Variants in CDH3 observed in about 807,000 individuals in gnomAD.
CDH3 encodes the protein cadherin 3.
CDH3 carries 54 observed loss-of-function variants against 82.0 expected under a neutral mutation model. The observed-to-expected ratio is 0.66, with a 90% confidence interval of 0.53 to 0.83. The LOEUF (loss-of-function observed/expected upper bound fraction) is 0.83. Ranked by LOEUF, CDH3 falls within the 40% of genes least tolerant of loss-of-function variation. The pLI, the probability that CDH3 is intolerant of heterozygous loss-of-function variation, is 0.00. For synonymous variants in CDH3, 446 were observed against 437.9 expected (o/e 1.02, Z -0.23); for missense variants, 1,054 against 1,084.6 (o/e 0.97, Z 0.40).
At chr16:68,723,883 A>C (rs896182731) in intron 2 of CDH3, among the ~76,000 whole-genome samples, 2 of 152,068 alleles carry the variant, frequency 1.3e-5, no homozygotes, top group African/African-American at 2.4e-5. Flanking sequence ...TCCCGGCTAA[A>C]ACGGTGAAAC....
At chr16:68,653,292 A>C (rs1306622803) in intron 2 of CDH3, among the ~76,000 whole-genome samples, 2 of 151,374 alleles carry the variant, frequency 1.3e-5, no homozygotes, top group Non-Finnish European at 2.9e-5. Flanking sequence ...GCTGGAGTGC[A>C]ATGGCGTGAT....
intron 11 of CDH3, among the ~76,000 whole-genome samples, chr16:68,685,706 C>G (rs1961392948): frequency 6.6e-6 from 1 of 152,192 alleles, no homozygotes; most frequent in African/African-American, 2.4e-5. Flanking sequence ...ACTCCGGACG[C>G]AGAGGCAGAA....
intron 2 of CDH3, among the ~76,000 whole-genome samples, chr16:68,674,118 C>T (rs999521179): frequency 2.6e-5 from 4 of 152,190 alleles, no homozygotes; most frequent in Non-Finnish European, 5.9e-5. Flanking sequence ...AACTGTTTTC[C>T]ACAGTGGCTG....
chr16:68,691,473 C>T (rs1383561927), intron 12 of CDH3, among the ~76,000 whole-genome samples: 1 of 152,158 alleles, frequency 6.6e-6, no homozygotes, highest in Non-Finnish European at 1.5e-5. Flanking sequence ...TATAAAAATA[C>T]TGTGATTATT....
chr16:68,720,291 A>G (rs1264129532), intron 1 of CDH3, among the ~76,000 whole-genome samples: 5 of 151,470 alleles, frequency 3.3e-5, no homozygotes, highest in Admixed American at 3.3e-4. Flanking sequence ...AAAGAAAGAG[A>G]GCGTGAGATC....
intron 2 of CDH3, among the ~76,000 whole-genome samples, chr16:68,661,187 T>G (rs1198765827): frequency 6.6e-6 from 1 of 152,162 alleles, no homozygotes; most frequent in Non-Finnish European, 1.5e-5. Flanking sequence ...AAAACTAATA[T>G]TTATGGCACC....
rs1466320712 is a variant in CDH3 at position 68,684,582 on chromosome 16, G to T, written c.1183-1G>T. On this transcript the variant is annotated splice_acceptor_variant, in intron 9 of 15. Transcript: ENST00000264012. LOFTEE classifies it high-confidence loss of function. ...AGGTCCTTCTTCCTCTTCTCTCCTAGGGTTTGGATTTTGAGGCCAAAAACC... is the reference window on the plus strand; with the variant it reads ...AGGTCCTTCTTCCTCTTCTCTCCTATGGTTTGGATTTTGAGGCCAAAAACC... 2 of 1,614,106 alleles carry T rather than the reference G, an allele frequency of 1.2e-6. No homozygotes were observed. The highest frequency in any genetic ancestry group is 1.1e-5 in the South Asian group (1 of 91,048).
rs1033825919 is a variant in CDH3 at position 68,685,443 on chromosome 16, A to T, written c.1570+93A>T. On this transcript the variant is annotated intron_variant, in intron 11 of 15. Transcript: ENST00000264012. ...GCATGTTTCCTCCACAGGTGGGAAC[A>T]TGTGTCGAGGAGGGCTATTTGCAAA... The T allele has an allele frequency of 2.3e-5, 32 of 1,401,626 alleles. No individual in the cohort carries two copies. The Middle Eastern group carries it at 1.5e-3, about 65-fold the overall frequency. The allele number at this position is 1,401,626 out of a possible 1,614,324, so 86.8% of individuals were successfully genotyped here. A position where few individuals can be genotyped will look rare whatever the true frequency, so the allele number is the denominator to read the frequency against.
intron 12 of CDH3, among the ~76,000 whole-genome samples, chr16:68,690,544 C>A (rs966256921): frequency 6.6e-6 from 1 of 151,924 alleles, no homozygotes; most frequent in African/African-American, 2.4e-5. Context: ...GCCCATGAGG[C>A]AGAGGTTGCA....
chr16:68,692,128 C>T (rs181087401), intron 13 of CDH3, among the ~76,000 whole-genome samples: 12 of 152,258 alleles, frequency 7.9e-5, no homozygotes, highest in Admixed American at 3.3e-4. Context: ...CTTCTGCCTC[C>T]CAGGCTCAAA....
At position 68,699,205 on chromosome 16, in the gene CDH3, C is replaced by T. The variant is rs1961839861; in HGVS notation, c.*805C>T. 1 of 152,180 alleles carries T rather than the reference C, an allele frequency of 6.6e-6. No homozygotes were observed. The highest frequency in any genetic ancestry group is 2.4e-5 in the African/African-American group (1 of 41,448). The allele number at this position is 152,180 out of a possible 1,614,324, so 9.4% of individuals were successfully genotyped here. ...TACCCTGCTGGCTTCACCCAAGCTT[C>T]CTCTCAATGGCAGGGGATACTCAGG... On this transcript the variant is annotated 3_prime_UTR_variant, in exon 16 of 16. Coordinates refer to ENST00000264012, the MANE Select transcript of CDH3 (RefSeq NM_001793.6).
chr16:68,681,289 T>G (rs1396472516), intron 8 of CDH3, among the ~76,000 whole-genome samples, 193 bp downstream of exon 8: 1 of 152,220 alleles, frequency 6.6e-6, no homozygotes, highest in African/African-American at 2.4e-5. Flanking sequence ...TGATAATACC[T>G]GCTGCATTGT....
chr16:68,695,999 G>A (rs772033229), intron 15 of CDH3, 76 bp downstream of exon 15: 5 of 1,516,636 alleles, frequency 3.3e-6, no homozygotes, highest in Non-Finnish European at 2.7e-6. Flanking sequence ...ACAAGCATGG[G>A]CCTGGAGTCT....
chr16:68,660,643 T>C (rs1322067905), intron 2 of CDH3, among the ~76,000 whole-genome samples: 1 of 152,076 alleles, frequency 6.6e-6, no homozygotes, highest in Admixed American at 6.6e-5. Context: ...TGGTTGCATT[T>C]ATATAAAGGA....
At chr16:68,646,108 G>A (rs1027030240) in intron 2 of CDH3, 11 of 310,364 alleles carry the variant, frequency 3.5e-5, no homozygotes, top group Non-Finnish European at 6.1e-5. Flanking sequence ...GCGCGCAGGT[G>A]TGGGGATGAG....
chr16:68,651,140 A>G, intron 2 of CDH3: 2 of 459,218 alleles, frequency 4.4e-6, no homozygotes, highest in South Asian at 3.4e-5. Context: ...TGTGGGCAGT[A>G]GTTGGAATTG....
intron 2 of CDH3, among the ~76,000 whole-genome samples, chr16:68,725,934 A>T (rs543386299): frequency 6.6e-6 from 1 of 152,240 alleles, no homozygotes; most frequent in Admixed American, 6.5e-5. Context: ...ACATGCCTGT[A>T]GTCCCAGCTA....
At chr16:68,690,976 G>C (rs1381615467) in intron 12 of CDH3, among the ~76,000 whole-genome samples, 1 of 151,344 alleles carries the variant, frequency 6.6e-6, no homozygotes, top group Non-Finnish European at 1.5e-5. Flanking sequence ...CAGCTGCTCT[G>C]TCTATGGAGT....
At chr16:68,651,061 T>C (rs1019489602) in intron 2 of CDH3, 5 of 425,694 alleles carry the variant, frequency 1.2e-5, no homozygotes, top group Admixed American at 5.9e-5. Context: ...GTAAGGGGGA[T>C]ATTCAGGGGC....
Sources: allele counts gnomAD v4.1 joint callset (sites outside exome capture counted in the v4.1 genomes callset), GRCh38; gene constraint gnomAD v4.1.1; transcripts MANE v1.5; gene names NCBI Gene and HGNC (gene_info 2026-07-23, HGNC 2026-07-21).